Variants in DDHD1 observed in about 807,000 individuals in gnomAD.
The protein encoded by DDHD1 is phospholipase DDHD1.
In DDHD1, 49 loss-of-function variants were observed where a neutral mutation model predicts 96.4. That is an observed-to-expected ratio of 0.51 (90% CI 0.40 to 0.64). The LOEUF is 0.64. DDHD1 is among the 30% of genes least tolerant of loss of function. The pLI is 0.00. For synonymous variants in DDHD1, 442 were observed against 446.5 expected (o/e 0.99, Z 0.13); for missense variants, 1,106 against 1,161.2 (o/e 0.95, Z 0.69).
At position 53,054,465 on chromosome 14, in the gene DDHD1, T is replaced by C. The variant is rs756936633; in HGVS notation, c.2410A>G (p.Ser804Gly). ...GCAGAATCGAGGAAGCCAGAACTGCTATGTGGAAGGGTCTGTGTCCCTACG... is the reference window on the plus strand; with the variant it reads ...GCAGAATCGAGGAAGCCAGAACTGCCATGTGGAAGGGTCTGTGTCCCTACG... ...TTVGTQTLPH[S>G]SSGFLDSAYF... The change falls in exon 11 of 13, where the codon AGC becomes GGC. Residue 804 changes from serine (S) to glycine (G), a missense_variant. Ser to Gly is a moderately conservative substitution (Grantham distance 56). Around this residue, in one of 2 missense-constraint regions of DDHD1, gnomAD observed 650 missense variants for 758.8 expected, o/e 0.86. Coordinates refer to ENST00000673822, the MANE Select transcript of DDHD1 (RefSeq NM_001160148.2). 1.9e-6 allele frequency: 3 copies of C among 1,614,006 alleles called. No homozygotes were observed. The highest frequency in any genetic ancestry group is 2.5e-6 in the Non-Finnish European group (3 of 1,179,914).
chr14:53,068,827 T>C (rs535685392), intron 6 of DDHD1, among the ~76,000 whole-genome samples: 4 of 152,322 alleles, frequency 2.6e-5, no homozygotes, highest in African/African-American at 9.6e-5. Flanking sequence ...AATATCCTGC[T>C]CCTCATCAAA....
In DDHD1 at chr14:53,054,455, C is replaced by A. The variant is rs1411736609; in HGVS notation, c.2420G>T (p.Gly807Val). ...GTQTLPHSSS[G>V]FLDSAYFRLQ... ...GAACTAACATGCAGAATCGAGGAAG[C>A]CAGAACTGCTATGTGGAAGGGTCTG... The change falls in exon 11 of 13, where the codon GGC becomes GTC. Residue 807 changes from glycine to valine, a missense_variant. By Grantham distance (109) the Gly-to-Val change is moderately radical (BLOSUM62 -3). Around this residue, in one of 2 missense-constraint regions of DDHD1, gnomAD observed 650 missense variants for 758.8 expected, o/e 0.86. Coordinates refer to ENST00000673822, the MANE Select transcript of DDHD1 (RefSeq NM_001160148.2). The A allele has an allele frequency of 4.3e-6, 7 of 1,613,562 alleles. No homozygotes were observed. The highest frequency in any genetic ancestry group is 5.9e-6 in the Non-Finnish European group (7 of 1,179,712).
rs1881386548 is a variant in DDHD1 at position 53,038,026 on chromosome 14, TAGGTATCAA to T, written c.*8733_*8741del. 6.6e-6 allele frequency: 1 copy of T among 152,012 alleles called. No individual in the cohort carries two copies. The highest frequency in any genetic ancestry group is 1.5e-5 in the Non-Finnish European group (1 of 67,994). 9.4% of individuals were successfully genotyped at this position (152,012 alleles called of 1,614,324 possible). A position where few individuals can be genotyped will look rare whatever the true frequency, so the allele number is the denominator to read the frequency against. ...CTCATGATAAAACCCCTCAACAGACTAGGTATCAAAGGAACATATCTCAAAATAATAAGA... is the reference window on the plus strand; with the variant it reads ...CTCATGATAAAACCCCTCAACAGACTAGGAACATATCTCAAAATAATAAGA... On this transcript the variant is annotated 3_prime_UTR_variant, in exon 13 of 13. Transcript: ENST00000673822.
rs901311539 is a variant in DDHD1 at position 53,133,768 on chromosome 14, G to A, written c.838+18493C>T. Among the ~76,000 whole-genome samples the A allele has an allele frequency of 8.5e-5, 13 of 152,092 alleles. 1 individual carries two copies. Among genetic ancestry groups the A allele is most frequent in the Non-Finnish European group, 1.8e-4 (12 of 68,022 alleles). On this transcript the variant is annotated intron_variant, in intron 1 of 12. Coordinates refer to ENST00000673822, the MANE Select transcript of DDHD1 (RefSeq NM_001160148.2). ...CTCCAGCAAGCTACACAGGAAATTT[G>A]CCAAGCTGCTAATCTTCTCTTGCCT... is the stretch of plus-strand genomic sequence containing the variant.
At chr14:53,083,901 G>C (rs1234111344) in intron 4 of DDHD1, among the ~76,000 whole-genome samples, 1 of 151,636 alleles carries the variant, frequency 6.6e-6, no homozygotes, top group Non-Finnish European at 1.5e-5. Flanking sequence ...GCTCCTTGTA[G>C]TGGACACTTG....
intron 1 of DDHD1, among the ~76,000 whole-genome samples, chr14:53,130,217 T>C (rs898409227): frequency 3.9e-5 from 6 of 152,196 alleles, no homozygotes; most frequent in Non-Finnish European, 8.8e-5. Flanking sequence ...TTTTGTTCCA[T>C]GACTAGCCCT....
chr14:53,119,922 C>A (rs773145068), intron 1 of DDHD1, among the ~76,000 whole-genome samples: 1 of 152,180 alleles, frequency 6.6e-6, no homozygotes, highest in African/African-American at 2.4e-5. Flanking sequence ...CTCACTACTC[C>A]TATTCAACAG....
chr14:53,105,752 T>C (rs1887641855), intron 1 of DDHD1, among the ~76,000 whole-genome samples: 1 of 152,326 alleles, frequency 6.6e-6, no homozygotes, highest in African/African-American at 2.4e-5. Flanking sequence ...TTTATTTTAA[T>C]AGATGAGTTA....
chr14:53,097,734 C>A (rs917470106), intron 2 of DDHD1, among the ~76,000 whole-genome samples: 2 of 151,700 alleles, frequency 1.3e-5, no homozygotes, highest in African/African-American at 4.8e-5. Context: ...ACCATTTGAC[C>A]ATGTTTTAAA....
intron 1 of DDHD1, 148 bp downstream of exon 1, chr14:53,152,113 G>GAGAAGTGGAGTGTAGAT: frequency 6.0e-6 from 5 of 833,726 alleles, no homozygotes; most frequent in Admixed American, 6.4e-5. Flanking sequence ...AGCTGCCGAC[G>GAGAAGTGGAGTGTAGAT]CTCCCTGCTC....
At chr14:53,083,784 C>A (rs536576949) in intron 4 of DDHD1, among the ~76,000 whole-genome samples, 154 of 152,264 alleles carry the variant, frequency 1.0e-3, no homozygotes, top group African/African-American at 3.6e-3. Context: ...ATCTTTCTCT[C>A]TTTTATTATG....
rs566388868 is a variant in DDHD1, at chr14:53,105,878, A to AT, written c.839-2023dup. On this transcript the variant is annotated intron_variant, in intron 1 of 12. Coordinates refer to ENST00000673822, the MANE Select transcript of DDHD1 (RefSeq NM_001160148.2). Reference sequence around the variant, plus strand: ...TTTTCCTTTATGTGGTATTTCTGCTATTTTTTTATTTTTTGTACTTTCTTT... The same window carrying AT: ...TTTTCCTTTATGTGGTATTTCTGCTATTTTTTTTATTTTTTGTACTTTCTTT... Among the ~76,000 whole-genome samples the AT allele has an allele frequency of 6.0e-5, 9 of 150,668 alleles. No homozygotes were observed. In the South Asian group the frequency reaches 1.9e-3, roughly 31 times the overall value.
intron 1 of DDHD1, among the ~76,000 whole-genome samples, chr14:53,132,440 C>A (rs997287934): frequency 7.9e-5 from 12 of 152,248 alleles, no homozygotes; most frequent in East Asian, 1.9e-4. Flanking sequence ...GTAGTTCTTC[C>A]AGGCCCAATC....
chr14:53,126,237 ATT>A (rs1889423791), intron 1 of DDHD1, among the ~76,000 whole-genome samples: 1 of 152,220 alleles, frequency 6.6e-6, no homozygotes, highest in Non-Finnish European at 1.5e-5. Flanking sequence ...ATGTATATAT[ATT>A]ATTGTTCTAA....
intron 1 of DDHD1, among the ~76,000 whole-genome samples, chr14:53,147,856 C>A (rs1158021831): frequency 6.6e-6 from 1 of 152,038 alleles, no homozygotes; most frequent in Non-Finnish European, 1.5e-5. Flanking sequence ...AGAAACTGGT[C>A]AAAAAAGAGT....
intron 1 of DDHD1, among the ~76,000 whole-genome samples, chr14:53,132,164 C>A (rs2139843024): frequency 6.6e-6 from 1 of 152,292 alleles, no homozygotes; most frequent in African/African-American, 2.4e-5. Flanking sequence ...CTAGCTCTCC[C>A]TAACTCATCC....
At chr14:53,065,689 A>G (rs1241894435) in intron 6 of DDHD1, among the ~76,000 whole-genome samples, 1 of 152,176 alleles carries the variant, frequency 6.6e-6, no homozygotes, top group Non-Finnish European at 1.5e-5. Context: ...GTTAAAAGGG[A>G]CCTCAGCAAT....
At chr14:53,061,025 A>G in intron 8 of DDHD1, 101 bp downstream of exon 8, 1 of 1,058,174 alleles carries the variant, frequency 9.5e-7, no homozygotes, top group Non-Finnish European at 1.4e-6. Context: ...ATTTATTTTG[A>G]AAGAACAATA....
rs1461142104 is a variant in DDHD1, at chr14:53,062,985, T to C, written c.1724A>G (p.Glu575Gly). 1 of 1,614,096 alleles carries C rather than the reference T, an allele frequency of 6.2e-7. No individual in the cohort carries two copies. Among genetic ancestry groups the C allele is most frequent in the Non-Finnish European group, 8.5e-7 (1 of 1,179,962 alleles). Reference protein sequence around the residue: ...ELPDERWMSYEERHLLDELYI... With the variant: ...ELPDERWMSYGERHLLDELYI... ...GAGTTCATCAAGAAGATGTCGTTCT[T>C]CATAGCTCATCCATCGTTCATCAGG... The change falls in exon 7 of 13, where the codon GAA becomes GGA. Residue 575 changes from glutamate (E) to glycine (G), a missense_variant. This residue lies in a region of DDHD1 where 650 missense variants were observed against 758.8 expected (regional missense o/e 0.86). Coordinates refer to ENST00000673822, the MANE Select transcript of DDHD1 (RefSeq NM_001160148.2).
Sources: allele counts gnomAD v4.1 joint callset (sites outside exome capture counted in the v4.1 genomes callset), GRCh38; gene constraint gnomAD v4.1.1; regional missense constraint gnomAD v4.1.1; transcripts MANE v1.5; gene names NCBI Gene and HGNC (gene_info 2026-07-23, HGNC 2026-07-21).